The following OPA1 variants were observed in gnomAD, a reference collection of about 807,000 sequenced individuals.
OPA1 encodes dynamin-like GTPase OPA1, mitochondrial.
A neutral mutation model predicts 152.9 loss-of-function variants in OPA1; 59 were observed. The ratio of observed to expected loss-of-function variants is 0.39; its 90% CI spans 0.31 to 0.48. The LOEUF (loss-of-function observed/expected upper bound fraction) is 0.48. Ranked by LOEUF, OPA1 falls within the 20% of genes least tolerant of loss-of-function variation. OPA1 has a pLI of 0.96. For synonymous variants in OPA1, 400 were observed against 389.9 expected (o/e 1.03, Z -0.31); for missense variants, 1,008 against 1,216.8 (o/e 0.83, Z 2.55).
intron 25 of OPA1, among the ~76,000 whole-genome samples, chr3:193,660,586 A>AT (rs71637117): frequency 6.6e-6 from 1 of 151,762 alleles, no homozygotes; most frequent in Non-Finnish European, 1.5e-5. Context: ...TCTATATCCT[A>AT]TTTTTTTCCT....
intron 1 of OPA1, among the ~76,000 whole-genome samples, chr3:193,599,552 A>G (rs1726148312): frequency 2.0e-5 from 3 of 151,936 alleles, no homozygotes; most frequent in South Asian, 4.2e-4. Context: ...GGGAGTCCAA[A>G]ATGTCACCTT....
At chr3:193,693,736 G>A (rs1337252565) in intron 30 of OPA1, among the ~76,000 whole-genome samples, 3 of 152,174 alleles carry the variant, frequency 2.0e-5, no homozygotes, top group Admixed American at 1.3e-4. Context: ...ATAAGTGTCC[G>A]TGTTCATAAA....
intron 29 of OPA1, among the ~76,000 whole-genome samples, chr3:193,673,980 C>T (rs1297726360): frequency 2.6e-5 from 4 of 152,240 alleles, no homozygotes; most frequent in African/African-American, 4.8e-5. Flanking sequence ...TGACTCCCTA[C>T]GCGAGGTGGC....
intron 29 of OPA1, among the ~76,000 whole-genome samples, chr3:193,686,716 T>C (rs1390315984): frequency 1.3e-5 from 2 of 152,216 alleles, no homozygotes; most frequent in Admixed American, 1.3e-4. Context: ...GAACAATATA[T>C]ATTACATAAT....
intron 29 of OPA1, among the ~76,000 whole-genome samples, chr3:193,684,392 G>A (rs1179331311): frequency 6.6e-6 from 1 of 150,484 alleles, no homozygotes; most frequent in African/African-American, 2.4e-5. Flanking sequence ...CAGGTAGCCA[G>A]AAGTTCAAGA....
intron 19 of OPA1, among the ~76,000 whole-genome samples, 174 bp downstream of exon 19, chr3:193,647,354 C>A (rs951843388): frequency 6.6e-6 from 1 of 152,180 alleles, no homozygotes; most frequent in Non-Finnish European, 1.5e-5. Flanking sequence ...TATACAAGAA[C>A]AAGATTTTTC....
chr3:193,692,062 G>GA lies in OPA1; in HGVS notation c.2984dup (p.Lys996GlufsTer3). 1 of 1,504,136 alleles carries GA rather than the reference G, an allele frequency of 6.6e-7. No individual in the cohort carries two copies. Among genetic ancestry groups the GA allele is most frequent in the Non-Finnish European group, 9.1e-7 (1 of 1,094,064 alleles). 93.2% of individuals were successfully genotyped at this position (1,504,136 alleles called of 1,614,324 possible). On this transcript the variant is annotated frameshift_variant and splice_region_variant. Coordinates refer to ENST00000361510, the MANE Select transcript of OPA1 (RefSeq NM_130837.3). LOFTEE classifies it high-confidence loss of function. ...GTTTTTCTTTATTTTTATCTCCACA[G>GA]AGAAAGTTAGAGAAATTCAAGAAAA...
intron 1 of OPA1, chr3:193,596,937 A>T (rs1291345619): frequency 6.6e-6 from 1 of 152,238 alleles, no homozygotes; most frequent in Non-Finnish European, 1.5e-5. Flanking sequence ...ACTGAAACTA[A>T]AGACGACTTG....
At chr3:193,689,914 C>A (rs13067959) in intron 29 of OPA1, among the ~76,000 whole-genome samples, 64,867 of 151,726 alleles carry the variant, frequency 0.43, 14,112 homozygotes, top group Non-Finnish European at 0.44. Context: ...TCATTTCCAG[C>A]ATTCTAGGTA....
intron 29 of OPA1, among the ~76,000 whole-genome samples, chr3:193,672,986 T>C (rs535558107): frequency 6.6e-6 from 1 of 152,342 alleles, no homozygotes; most frequent in South Asian, 2.1e-4. Context: ...AAAATAACAT[T>C]TGAATACTTT....
chr3:193,615,581 TTAG>T, intron 2 of OPA1, 90 bp from the exon 3 acceptor site: 2 of 806,654 alleles, frequency 2.5e-6, no homozygotes, highest in Non-Finnish European at 4.4e-6. Flanking sequence ...TACATTATTC[TTAG>T]TAGATTAATG....
rs138114609 is a variant in OPA1 at position 193,654,937 on chromosome 3, G to A, written c.2088G>A (p.Ala696=). 552 of 1,613,824 alleles carry A rather than the reference G, an allele frequency of 3.4e-4. 3 individuals are homozygous for A. The East Asian group carries it at 9.3e-3, about 27-fold the overall frequency. Residue 696 remains alanine, a synonymous_variant, in exon 22 of 31, where the codon GCG becomes GCA. Transcript: ENST00000361510. Reference sequence around the variant, plus strand: ...TTGAAAACATCTACCTTCCAGCTGCGCAGACCATGAATTCAGGAACTTTTA... The same window carrying A: ...TTGAAAACATCTACCTTCCAGCTGCACAGACCATGAATTCAGGAACTTTTA... ...HVIENIYLPA[A]QTMNSGTFNT...
At chr3:193,625,493 AAAC>A (rs148592886) in intron 6 of OPA1, among the ~76,000 whole-genome samples, 3,684 of 152,218 alleles carry the variant, frequency 0.024, 161 homozygotes, top group African/African-American at 0.085. Flanking sequence ...TATGAAATCA[AAAC>A]AACCTGAAAC....
intron 29 of OPA1, among the ~76,000 whole-genome samples, chr3:193,677,364 G>A (rs1040574489): frequency 6.1e-5 from 9 of 146,950 alleles, no homozygotes; most frequent in African/African-American, 2.0e-4. Flanking sequence ...TGTGATCATG[G>A]CTCACTGCAG....
chr3:193,611,596 C>CAA (rs35159597), intron 1 of OPA1, among the ~76,000 whole-genome samples: 348 of 68,218 alleles, frequency 5.1e-3, no homozygotes, highest in East Asian at 6.3e-3. Context: ...GACTCCACCT[C>CAA]AAAAAAAAAA....
At chr3:193,646,998 G>T in intron 18 of OPA1, 67 bp from the exon 19 acceptor site, 1 of 977,464 alleles carries the variant, frequency 1.0e-6, no homozygotes, top group Non-Finnish European at 1.6e-6. Context: ...TCGCAGACTT[G>T]GTGGTAGTAT....
chr3:193,685,459 A>G (rs1176845464), intron 29 of OPA1, among the ~76,000 whole-genome samples: 2 of 152,134 alleles, frequency 1.3e-5, no homozygotes, highest in Non-Finnish European at 2.9e-5. Context: ...TTAAATAATC[A>G]CCTTTAATGA....
chr3:193,693,408 G>T (rs11711675), intron 30 of OPA1, among the ~76,000 whole-genome samples: 82,974 of 152,052 alleles, frequency 0.55, 22,907 homozygotes, highest in East Asian at 0.69. Context: ...GGGAGACCAA[G>T]GCGGGCGGAT....
At chr3:193,631,907 AG>A (rs1732140263) in intron 8 of OPA1, 2 of 569,156 alleles carry the variant, frequency 3.5e-6, no homozygotes, top group Non-Finnish European at 6.2e-6. Context: ...TATGCCCAAA[AG>A]GGAGAAAGTG....
Sources: allele counts gnomAD v4.1 joint callset (sites outside exome capture counted in the v4.1 genomes callset), GRCh38; gene constraint gnomAD v4.1.1; transcripts MANE v1.5; gene names NCBI Gene and HGNC (gene_info 2026-07-23, HGNC 2026-07-21).